PPP1R1C: variants seen among roughly 807,000 people sequenced by gnomAD.
PPP1R1C encodes protein phosphatase 1 regulatory inhibitor subunit 1C.
In PPP1R1C, 15 loss-of-function variants were observed where a neutral mutation model predicts 17.4. The observed-to-expected ratio is 0.86, with a 90% CI of 0.58 to 1.33. The LOEUF is 1.33. PPP1R1C is among the 40% of genes most tolerant of loss of function. The pLI, the probability that PPP1R1C is intolerant of heterozygous loss-of-function variation, is 0.00. For synonymous variants in PPP1R1C, 35 were observed against 43.1 expected (o/e 0.81, Z 0.73); for missense variants, 143 against 130.0 (o/e 1.10, Z -0.48).
chr2:181,994,473 C>CT (rs1240735205), intron 2 of PPP1R1C, among the ~76,000 whole-genome samples: 2 of 152,060 alleles, frequency 1.3e-5, no homozygotes, highest in Admixed American at 1.3e-4. Context: ...CTCATGCTGA[C>CT]TTTTAAGACT....
At chr2:182,026,568 TATCTCTGTTTTGGTACCAGTACC>T (rs1686618649) in intron 2 of PPP1R1C, among the ~76,000 whole-genome samples, 1 of 151,406 alleles carries the variant, frequency 6.6e-6, no homozygotes, top group Non-Finnish European at 1.5e-5. Flanking sequence ...CATTGATCTA[TATCTCTGTTTTGGTACCAGTACC>T]ATGCTGTTTT....
chr2:182,012,834 T>C (rs988548688), intron 2 of PPP1R1C, among the ~76,000 whole-genome samples: 1 of 152,108 alleles, frequency 6.6e-6, no homozygotes, highest in Non-Finnish European at 1.5e-5. Flanking sequence ...TATTTTAAGC[T>C]GATGACAACA....
intron 2 of PPP1R1C, chr2:182,048,770 T>A (rs1289286735): frequency 6.6e-6 from 1 of 152,170 alleles, no homozygotes. Context: ...ATAGTTGTAA[T>A]CCAAAGGTCG....
At chr2:182,037,040 C>T (rs958907704) in intron 2 of PPP1R1C, among the ~76,000 whole-genome samples, 6 of 152,094 alleles carry the variant, frequency 3.9e-5, no homozygotes, top group Admixed American at 6.5e-5. Context: ...AATACCAGAA[C>T]GGATTGAGGC....
chr2:181,956,020 T>C (rs1052426301), intron 1 of PPP1R1C, among the ~76,000 whole-genome samples: 2 of 152,128 alleles, frequency 1.3e-5, no homozygotes, highest in Non-Finnish European at 2.9e-5. Context: ...CCTAATGCTA[T>C]CCCTCCCCTA....
At chr2:182,045,470 G>T (rs1687315378) in intron 2 of PPP1R1C, among the ~76,000 whole-genome samples, 2 of 151,212 alleles carry the variant, frequency 1.3e-5, no homozygotes, top group Non-Finnish European at 1.5e-5. Flanking sequence ...TTGATGATAG[G>T]ATGCCTTCAG....
intron 4 of PPP1R1C, among the ~76,000 whole-genome samples, chr2:182,102,905 C>A (rs1401619346): frequency 6.6e-6 from 1 of 152,150 alleles, no homozygotes; most frequent in Non-Finnish European, 1.5e-5. Flanking sequence ...CTCCTGGACT[C>A]AAGTGAACCT....
intron 2 of PPP1R1C, among the ~76,000 whole-genome samples, chr2:182,050,204 T>C (rs1687468300): frequency 6.6e-6 from 1 of 152,240 alleles, no homozygotes; most frequent in African/African-American, 2.4e-5. Context: ...GTTTGTTTAC[T>C]TTCCTAGTTT....
At chr2:182,050,498 C>T (rs887133419) in intron 2 of PPP1R1C, among the ~76,000 whole-genome samples, 1 of 152,200 alleles carries the variant, frequency 6.6e-6, no homozygotes, top group African/African-American at 2.4e-5. Context: ...ACTCTCCACC[C>T]TCCAAGCCTC....
chr2:181,999,857 A>G (rs1685711828), intron 2 of PPP1R1C, among the ~76,000 whole-genome samples: 2 of 151,936 alleles, frequency 1.3e-5, no homozygotes, highest in Non-Finnish European at 2.9e-5. Flanking sequence ...CCCGTTTTTT[A>G]TTCATCTCTG....
chr2:182,031,272 AT>A (rs960968947), intron 2 of PPP1R1C, among the ~76,000 whole-genome samples: 3 of 152,228 alleles, frequency 2.0e-5, no homozygotes, highest in Admixed American at 1.3e-4. Context: ...TGTAACAAGA[AT>A]TATCTGGCAT....
intron 4 of PPP1R1C, among the ~76,000 whole-genome samples, chr2:182,076,602 G>C (rs758853021): frequency 4.0e-5 from 6 of 151,840 alleles, no homozygotes; most frequent in Non-Finnish European, 8.8e-5. Flanking sequence ...AAGTCAATCA[G>C]AACCCCCCCA....
intron 2 of PPP1R1C, among the ~76,000 whole-genome samples, chr2:181,996,273 T>C (rs1321605709): frequency 6.6e-6 from 1 of 152,162 alleles, no homozygotes; most frequent in East Asian, 1.9e-4. Flanking sequence ...GAAGGACCTG[T>C]GAAAGCCAGA....
intron 2 of PPP1R1C, among the ~76,000 whole-genome samples, chr2:182,033,307 C>T (rs1452816149): frequency 6.6e-6 from 1 of 152,160 alleles, no homozygotes; most frequent in Non-Finnish European, 1.5e-5. Flanking sequence ...TATTTACTCT[C>T]ATAGTCTAAA....
At chr2:181,989,243 A>G (rs1469230528) in intron 2 of PPP1R1C, among the ~76,000 whole-genome samples, 1 of 152,200 alleles carries the variant, frequency 6.6e-6, no homozygotes, top group Non-Finnish European at 1.5e-5. Flanking sequence ...GTCTATAGGC[A>G]TCATTGCTGT....
intron 4 of PPP1R1C, among the ~76,000 whole-genome samples, chr2:182,083,374 A>G (rs1188013873): frequency 6.6e-6 from 1 of 152,100 alleles, no homozygotes; most frequent in Non-Finnish European, 1.5e-5. Context: ...ATTGTAACTG[A>G]TATGTAGTTT....
At chr2:182,070,266 T>G (rs1376003071) in intron 4 of PPP1R1C, among the ~76,000 whole-genome samples, 1 of 152,224 alleles carries the variant, frequency 6.6e-6, no homozygotes, top group Admixed American at 6.5e-5. Context: ...CTCCTGCTCA[T>G]GCACACTTGT....
chr2:182,026,471 T>C (rs1686614835), intron 2 of PPP1R1C, among the ~76,000 whole-genome samples: 1 of 137,416 alleles, frequency 7.3e-6, no homozygotes, highest in African/African-American at 2.7e-5. Context: ...TAGGGAATCC[T>C]TTCCCCATTG....
At chr2:182,095,176 G>A (rs1299682643) in intron 4 of PPP1R1C, among the ~76,000 whole-genome samples, 2 of 152,114 alleles carry the variant, frequency 1.3e-5, no homozygotes, top group African/African-American at 2.4e-5. Flanking sequence ...GCATGGACCT[G>A]TAGTCCCAGC....
Sources: gnomAD v4.1 joint callset for allele counts (sites outside exome capture counted in the v4.1 genomes callset) on GRCh38, gnomAD v4.1.1 for gene constraint, MANE v1.5 for transcripts, NCBI Gene and HGNC (gene_info 2026-07-23, HGNC 2026-07-21) for gene names.